The following SNTB1 variants were observed in gnomAD, a reference collection of about 807,000 sequenced individuals.
SNTB1 encodes syntrophin beta 1.
SNTB1 carries 36 observed loss-of-function variants against 48.9 expected under a neutral mutation model. That is an observed-to-expected ratio of 0.74 (90% CI 0.56 to 0.97). SNTB1 has a LOEUF of 0.97. Ranked by LOEUF, SNTB1 falls within the 50% of genes least tolerant of loss-of-function variation. The pLI, the probability that SNTB1 is intolerant of heterozygous loss-of-function variation, is 0.00. For synonymous variants in SNTB1, 299 were observed against 294.6 expected (o/e 1.01, Z -0.15); for missense variants, 786 against 703.4 (o/e 1.12, Z -1.33).
At chr8:120,739,032 T>C (rs1172864838) in intron 1 of SNTB1, among the ~76,000 whole-genome samples, 1 of 152,182 alleles carries the variant, frequency 6.6e-6, no homozygotes. Flanking sequence ...GGGTGTGAGA[T>C]GGGCATAGCA....
intron 4 of SNTB1, chr8:120,570,463 T>TC (rs1450294244): frequency 6.6e-6 from 1 of 152,114 alleles, no homozygotes; most frequent in Non-Finnish European, 1.5e-5. Context: ...CCTCCCCATC[T>TC]CCCACCTCTG....
At chr8:120,725,286 CCA>C (rs1818734277) in intron 1 of SNTB1, among the ~76,000 whole-genome samples, 1 of 152,106 alleles carries the variant, frequency 6.6e-6, no homozygotes, top group African/African-American at 2.4e-5. Flanking sequence ...AGATTCCACC[CCA>C]GTTGCCCAAA....
chr8:120,645,297 G>A (rs1817271984), intron 2 of SNTB1, among the ~76,000 whole-genome samples: 1 of 151,172 alleles, frequency 6.6e-6, no homozygotes, highest in Non-Finnish European at 1.5e-5. Flanking sequence ...ATGGTTTTAG[G>A]TCTAACGTTT....
chr8:120,542,804 G>A (rs191421174), intron 5 of SNTB1, among the ~76,000 whole-genome samples: 4 of 151,926 alleles, frequency 2.6e-5, no homozygotes, highest in African/African-American at 2.4e-5. Context: ...ATTAACTAAC[G>A]TAAATACATA....
At chr8:120,765,713 C>G (rs1367286618) in intron 1 of SNTB1, 2 of 152,132 alleles carry the variant, frequency 1.3e-5, no homozygotes, top group East Asian at 3.9e-4. Flanking sequence ...CCACTAGGTC[C>G]CACCTCCCAA....
intron 2 of SNTB1, among the ~76,000 whole-genome samples, chr8:120,641,331 T>C (rs1283609110): frequency 6.6e-6 from 1 of 152,200 alleles, no homozygotes; most frequent in Non-Finnish European, 1.5e-5. Context: ...TTCAAGTTAT[T>C]CTATCAATAT....
intron 1 of SNTB1, among the ~76,000 whole-genome samples, chr8:120,700,344 A>C (rs369603103): frequency 6.6e-6 from 1 of 152,222 alleles, no homozygotes; most frequent in Non-Finnish European, 1.5e-5. Flanking sequence ...ATATGTATTC[A>C]TAATAGAGGG....
intron 1 of SNTB1, among the ~76,000 whole-genome samples, chr8:120,759,747 A>G (rs1423655011): frequency 1.3e-5 from 2 of 152,120 alleles, no homozygotes; most frequent in Non-Finnish European, 2.9e-5. Flanking sequence ...TTTCATTCTG[A>G]ACCACTCCGT....
chr8:120,660,627 A>G (rs537380908), intron 2 of SNTB1, among the ~76,000 whole-genome samples: 2 of 152,250 alleles, frequency 1.3e-5, no homozygotes, highest in Non-Finnish European at 2.9e-5. Flanking sequence ...TCACTGGAGT[A>G]GCACTTTTGG....
chr8:120,584,079 C>T (rs941407163), intron 3 of SNTB1, among the ~76,000 whole-genome samples: 8 of 152,064 alleles, frequency 5.3e-5, no homozygotes, highest in South Asian at 2.1e-4. Context: ...CTTGGGAGAC[C>T]GAGGTAGGTG....
chr8:120,562,641 C>G (rs1815679188), intron 4 of SNTB1, among the ~76,000 whole-genome samples: 1 of 152,162 alleles, frequency 6.6e-6, no homozygotes, highest in Non-Finnish European at 1.5e-5. Flanking sequence ...GGATGCCTCC[C>G]AGGGTTAGCA....
intron 4 of SNTB1, among the ~76,000 whole-genome samples, chr8:120,557,560 G>A (rs1815585892): frequency 6.6e-6 from 1 of 152,166 alleles, no homozygotes; most frequent in African/African-American, 2.4e-5. Flanking sequence ...GTGATCTACT[G>A]GAGCTCAAGA....
intron 1 of SNTB1, among the ~76,000 whole-genome samples, chr8:120,805,024 T>C (rs1381254939): frequency 2.6e-5 from 4 of 152,244 alleles, no homozygotes; most frequent in Admixed American, 2.6e-4. Flanking sequence ...TTTAGGGCAA[T>C]GTTCTAGTAG....
intron 2 of SNTB1, among the ~76,000 whole-genome samples, chr8:120,663,000 T>G (rs2129755516): frequency 2.7e-5 from 1 of 37,672 alleles, no homozygotes; most frequent in Non-Finnish European, 4.7e-5. Context: ...GGCTGAAGTG[T>G]GTGTGTGGGG....
intron 2 of SNTB1, among the ~76,000 whole-genome samples, chr8:120,669,667 T>C (rs1817728244): frequency 9.3e-6 from 1 of 107,450 alleles, no homozygotes. Context: ...TTAGCCAGGA[T>C]GGTCTCGATC....
At chr8:120,573,874 G>A (rs1815898495) in intron 4 of SNTB1, among the ~76,000 whole-genome samples, 1 of 152,098 alleles carries the variant, frequency 6.6e-6, no homozygotes, top group Non-Finnish European at 1.5e-5. Flanking sequence ...TCTCCAATCT[G>A]TTCTACTGGT....
intron 2 of SNTB1, among the ~76,000 whole-genome samples, chr8:120,678,988 G>C (rs1020254293): frequency 5.9e-5 from 9 of 152,170 alleles, no homozygotes; most frequent in Admixed American, 1.3e-4. Flanking sequence ...CTGGGCCACT[G>C]TTCCCCTCCC....
At position 120,803,817 on chromosome 8, in the gene SNTB1, G is replaced by A. The variant is rs538245591; in HGVS notation, c.571+7456C>T. On this transcript the variant is annotated intron_variant, in intron 1 of 6. Transcript: ENST00000517992. ...AAGAAGCAATTAAAATATCTAAGCA[G>A]ACAGTTTTCATCTCCTCAGGTAGAA... is the stretch of plus-strand genomic sequence containing the variant. Among the ~76,000 whole-genome samples, 6 of 152,284 alleles carry A rather than the reference G, an allele frequency of 3.9e-5. No homozygotes were observed. In the South Asian group the frequency reaches 1.2e-3, roughly 32 times the overall value.
chr8:120,577,456 G>A (rs1815969373), intron 3 of SNTB1, among the ~76,000 whole-genome samples: 2 of 152,212 alleles, frequency 1.3e-5, no homozygotes, highest in South Asian at 2.1e-4. Context: ...ACTCTGCAAG[G>A]TGAATAAAGT....
Sources: allele counts gnomAD v4.1 joint callset (sites outside exome capture counted in the v4.1 genomes callset), GRCh38; gene constraint gnomAD v4.1.1; transcripts MANE v1.5; gene names NCBI Gene and HGNC (gene_info 2026-07-23, HGNC 2026-07-21).